The following RAD51B variants were observed in gnomAD, a reference collection of about 807,000 sequenced individuals.
RAD51B encodes RAD51 paralog B, also known as DNA repair protein RAD51 homolog 2.
A neutral mutation model predicts 42.2 loss-of-function variants in RAD51B; 38 were observed. That is an observed-to-expected ratio of 0.90 (90% confidence interval 0.70 to 1.18). The LOEUF (loss-of-function observed/expected upper bound fraction) is 1.18, where lower values mean the gene tolerates loss of function less well. Ranked by LOEUF, RAD51B falls within the 50% of genes most tolerant of loss-of-function variation. The pLI, the probability that RAD51B is intolerant of heterozygous loss-of-function variation, is 0.00. For synonymous variants in RAD51B, 154 were observed against 145.2 expected, an observed-to-expected ratio of 1.06 and a Z score of -0.43; for missense variants, 373 against 400.7, an observed-to-expected ratio of 0.93 and a Z score of 0.59.
intron 7 of RAD51B, among the ~76,000 whole-genome samples, chr14:68,018,556 G>T (rs1273296563): frequency 6.6e-6 from 1 of 152,070 alleles, no homozygotes; most frequent in African/African-American, 2.4e-5. Flanking sequence ...TTTTTATGGG[G>T]GAGAAATTGA....
rs536719064 is a variant in RAD51B, at chr14:68,414,827, G to C, written c.957+3300G>C. Among the ~76,000 whole-genome samples, 3 of 135,174 alleles carry C rather than the reference G, an allele frequency of 2.2e-5. No homozygotes were observed. In the South Asian group the frequency reaches 7.1e-4, roughly 32 times the overall value. 88.7% of individuals were successfully genotyped at this position (135,174 alleles called of 152,430 possible). A position where few individuals can be genotyped will look rare whatever the true frequency, so the allele number is the denominator to read the frequency against. On this transcript the variant is annotated intron_variant, in intron 9 of 10. Coordinates refer to ENST00000471583, the MANE Select transcript of RAD51B (RefSeq NM_133510.4). ...GCCTCAGGTCAGGAGTTCGAGACCA[G>C]CCTGACCAACATGGTAAAACCCCAT...
chr14:68,119,114 T>C (rs1234579155), intron 7 of RAD51B, among the ~76,000 whole-genome samples: 2 of 151,942 alleles, frequency 1.3e-5, no homozygotes, highest in East Asian at 3.9e-4. Flanking sequence ...CACTAATTTT[T>C]CTAATTTTTT....
intron 10 of RAD51B, among the ~76,000 whole-genome samples, chr14:68,486,858 C>T (rs191061323): frequency 1.9e-4 from 29 of 152,288 alleles, no homozygotes; most frequent in African/African-American, 6.5e-4. Flanking sequence ...GAGTTCATCT[C>T]GCTGGTAGAA....
intron 4 of RAD51B, among the ~76,000 whole-genome samples, chr14:67,844,951 C>T (rs1168921519): frequency 6.6e-6 from 1 of 152,116 alleles, no homozygotes; most frequent in Non-Finnish European, 1.5e-5. Context: ...TTTCTGTTTG[C>T]TTGGTAGATT....
At chr14:68,353,303 G>A (rs1012952432) in intron 8 of RAD51B, among the ~76,000 whole-genome samples, 1 of 152,164 alleles carries the variant, frequency 6.6e-6, no homozygotes, top group African/African-American at 2.4e-5. Flanking sequence ...ATGCATTGGG[G>A]GTAATAGTGG....
At chr14:68,344,932 G>A (rs1448274809) in intron 8 of RAD51B, among the ~76,000 whole-genome samples, 1 of 123,124 alleles carries the variant, frequency 8.1e-6, no homozygotes, top group East Asian at 2.7e-4. Context: ...GGGCAACAGT[G>A]TAAGACTCAA....
intron 7 of RAD51B, among the ~76,000 whole-genome samples, chr14:67,944,197 AAAGATT>A (rs2045307363): frequency 7.0e-6 from 1 of 143,248 alleles, no homozygotes; most frequent in African/African-American, 2.8e-5. Context: ...TCTAAGAAGT[AAAGATT>A]TTTTTTTTTT....
At chr14:68,040,518 T>C (rs928710874) in intron 7 of RAD51B, among the ~76,000 whole-genome samples, 19 of 152,354 alleles carry the variant, frequency 1.2e-4, no homozygotes, top group African/African-American at 4.6e-4. Context: ...TTAGAAAGAC[T>C]TTTCTTTTTA....
chr14:68,296,394 A>T (rs993196574), intron 8 of RAD51B, among the ~76,000 whole-genome samples: 1 of 152,168 alleles, frequency 6.6e-6, no homozygotes, highest in Non-Finnish European at 1.5e-5. Flanking sequence ...TTCCCTGCTC[A>T]GTTATTGTGA....
chr14:68,597,074 C>A (rs1177532777), downstream of RAD51B, among the ~76,000 whole-genome samples: 1 of 152,340 alleles, frequency 6.6e-6, no homozygotes, highest in East Asian at 1.9e-4. Flanking sequence ...ACCAAGGTTT[C>A]CATTTTCTCA....
chr14:68,603,125 G>A (rs1182874643), intron 10 of RAD51B, among the ~76,000 whole-genome samples: 1 of 152,170 alleles, frequency 6.6e-6, no homozygotes, highest in Non-Finnish European at 1.5e-5. Context: ...CAAGGCCAGA[G>A]TCCGAACCTC....
At chr14:68,572,697 T>G (rs566605771) in intron 10 of RAD51B, among the ~76,000 whole-genome samples, 1 of 152,272 alleles carries the variant, frequency 6.6e-6, no homozygotes, top group African/African-American at 2.4e-5. Flanking sequence ...GACCTCCCAG[T>G]GGGTCCTGGC....
intron 10 of RAD51B, among the ~76,000 whole-genome samples, chr14:68,630,050 C>T (rs1037881698): frequency 7.2e-5 from 11 of 152,222 alleles, no homozygotes; most frequent in African/African-American, 1.4e-4. Context: ...ATTCTTATCA[C>T]GTCAGGGAGG....
At chr14:68,594,694 G>A (rs779458173) in exon 11 of RAD51B, 79 of 1,275,478 alleles carry the variant, frequency 6.2e-5, no homozygotes, top group African/African-American at 4.6e-5. Flanking sequence ...CTCCCAAAGC[G>A]CTAGGATTAC....
At chr14:68,441,567 T>G (rs1430145752) in intron 9 of RAD51B, among the ~76,000 whole-genome samples, 1 of 146,092 alleles carries the variant, frequency 6.8e-6, no homozygotes, top group African/African-American at 2.5e-5. Context: ...AAAAAAAAGA[T>G]TAATTTATGG....
intron 10 of RAD51B, among the ~76,000 whole-genome samples, chr14:68,572,074 T>C (rs1889735135): frequency 6.6e-6 from 1 of 152,230 alleles, no homozygotes; most frequent in South Asian, 2.1e-4. Context: ...CCCCAGTGTG[T>C]GGCTGTTTCA....
intron 7 of RAD51B, among the ~76,000 whole-genome samples, chr14:68,012,891 T>A (rs2075708609): frequency 6.6e-6 from 1 of 152,224 alleles, no homozygotes; most frequent in South Asian, 2.1e-4. Flanking sequence ...GTAAGTCTTT[T>A]AAAAATCTTT....
chr14:68,526,696 G>T (rs1886956471), intron 10 of RAD51B, among the ~76,000 whole-genome samples: 1 of 152,196 alleles, frequency 6.6e-6, no homozygotes, highest in South Asian at 2.1e-4. Flanking sequence ...CATCTAGACT[G>T]CTGCAGACCA....
At chr14:68,501,549 G>A (rs1884919431) in intron 10 of RAD51B, among the ~76,000 whole-genome samples, 1 of 152,236 alleles carries the variant, frequency 6.6e-6, no homozygotes, top group African/African-American at 2.4e-5. Flanking sequence ...ACCATGGGGG[G>A]CTGGAAGGCC....
Sources: allele counts gnomAD v4.1 joint callset (sites outside exome capture counted in the v4.1 genomes callset), GRCh38; gene constraint gnomAD v4.1.1; transcripts MANE v1.5; gene names NCBI Gene and HGNC (gene_info 2026-07-23, HGNC 2026-07-21).